Variants in KALRN observed in about 807,000 individuals in gnomAD.
KALRN encodes kalirin.
A neutral mutation model predicts 353.7 loss-of-function variants in KALRN; 70 were observed. The ratio of observed to expected loss-of-function variants is 0.20; its 90% confidence interval spans 0.16 to 0.24. The LOEUF (loss-of-function observed/expected upper bound fraction) is 0.24, where lower values mean the gene tolerates loss of function less well. Among genes scored for constraint, KALRN ranks in the 10% least tolerant of loss-of-function variants. KALRN has a pLI of 1.00. For missense variants in KALRN, 2,791 were observed against 3,756.7 expected, an observed-to-expected ratio of 0.74 and a Z score of 6.72; for synonymous variants, 1,391 against 1,434.8, an observed-to-expected ratio of 0.97 and a Z score of 0.69.
chr3:124,161,333 T>G (rs2069915516), intron 1 of KALRN, among the ~76,000 whole-genome samples: 1 of 152,192 alleles, frequency 6.6e-6, no homozygotes, highest in African/African-American at 2.4e-5. Flanking sequence ...CTCAACACAA[T>G]ATATTATTGT....
chr3:124,375,703 G>C (rs536705369), intron 10 of KALRN, among the ~76,000 whole-genome samples: 1 of 152,112 alleles, frequency 6.6e-6, no homozygotes, highest in Non-Finnish European at 1.5e-5. Flanking sequence ...TTTTATTGTT[G>C]TTGTTATTGC....
intron 1 of KALRN, among the ~76,000 whole-genome samples, chr3:124,165,582 C>A (rs2070707658): frequency 6.6e-6 from 1 of 152,216 alleles, no homozygotes; most frequent in Non-Finnish European, 1.5e-5. Flanking sequence ...TCCTTCTTTG[C>A]GTCTTCTGTT....
At chr3:124,518,678 C>A in intron 33 of KALRN, 2 of 1,429,222 alleles carry the variant, frequency 1.4e-6, no homozygotes, top group Non-Finnish European at 1.8e-6. Context: ...CTACTGGGTG[C>A]AATTCGAGGT....
intron 1 of KALRN, among the ~76,000 whole-genome samples, chr3:124,086,310 TGTG>T (rs1380834925): frequency 9.2e-4 from 2 of 2,182 alleles, no homozygotes; most frequent in Non-Finnish European, 3.1e-3. Flanking sequence ...GTTGTTTTGT[TGTG>T]TGTGTGTGTG....
intron 10 of KALRN, among the ~76,000 whole-genome samples, chr3:124,374,895 G>A (rs2086368734): frequency 6.6e-6 from 1 of 152,182 alleles, no homozygotes; most frequent in South Asian, 2.1e-4. Context: ...GTTCCATGGG[G>A]ATGCTGTCTC....
At chr3:124,550,759 G>C (rs917007126) in intron 33 of KALRN, among the ~76,000 whole-genome samples, 1 of 152,150 alleles carries the variant, frequency 6.6e-6, no homozygotes, top group Admixed American at 6.6e-5. Context: ...GGAGGCCGAG[G>C]TGGGCAGATC....
intron 49 of KALRN, among the ~76,000 whole-genome samples, chr3:124,676,200 G>T (rs914874603): frequency 6.6e-6 from 1 of 152,110 alleles, no homozygotes; most frequent in Non-Finnish European, 1.5e-5. Context: ...TCCATGGGAG[G>T]GAAGGTAAAA....
At chr3:124,451,244 TAGAA>T (rs879759172) in intron 21 of KALRN, among the ~76,000 whole-genome samples, 8 of 145,314 alleles carry the variant, frequency 5.5e-5, no homozygotes, top group South Asian at 2.2e-4. Context: ...TAACCAAAGA[TAGAA>T]AGAAAGGGAA....
intron 33 of KALRN, among the ~76,000 whole-genome samples, chr3:124,533,383 T>C (rs1168307082): frequency 6.6e-6 from 1 of 152,228 alleles, no homozygotes; most frequent in African/African-American, 2.4e-5. Context: ...GGCTCATGTC[T>C]ATAGTCCTAG....
rs542347272 is a variant in KALRN at position 124,586,609 on chromosome 3, G to A, written c.5182+23520G>A. Among the ~76,000 whole-genome samples, 21 of 152,340 alleles carry A rather than the reference G, an allele frequency of 1.4e-4. No homozygotes were observed. In the East Asian group the frequency reaches 3.9e-3, roughly 28 times the overall value. On this transcript the variant is annotated intron_variant, in intron 34 of 59. Coordinates refer to ENST00000682506, the MANE Select transcript of KALRN (RefSeq NM_001388419.1). ...GAAGGCAGTGGCTGCTGGCTCCGTG[G>A]CTAGGAGAGGAGGCGTGCGAGTGGC...
chr3:124,074,217 G>A (rs2060156644), intron 1 of KALRN, among the ~76,000 whole-genome samples: 1 of 152,046 alleles, frequency 6.6e-6, no homozygotes, highest in African/African-American at 2.4e-5. Context: ...AGAAGGAATG[G>A]GTAAATCCAA....
At chr3:124,089,490 C>T (rs1424902508) in intron 1 of KALRN, among the ~76,000 whole-genome samples, 2 of 152,106 alleles carry the variant, frequency 1.3e-5, no homozygotes, top group South Asian at 4.2e-4. Flanking sequence ...AACACCATCT[C>T]CTTTGATAGG....
At chr3:124,235,365 TG>T (rs1160664191) in intron 3 of KALRN, among the ~76,000 whole-genome samples, 1 of 152,026 alleles carries the variant, frequency 6.6e-6, no homozygotes, top group African/African-American at 2.4e-5. Flanking sequence ...AAATTTTCAC[TG>T]GGTAGGGTGA....
intron 33 of KALRN, among the ~76,000 whole-genome samples, chr3:124,513,993 G>A (rs2066252178): frequency 6.6e-6 from 1 of 152,190 alleles, no homozygotes; most frequent in African/African-American, 2.4e-5. Flanking sequence ...GGCAGAGTAG[G>A]ATGCATGATA....
At chr3:124,117,022 C>G (rs1372814846) in intron 1 of KALRN, among the ~76,000 whole-genome samples, 4 of 152,210 alleles carry the variant, frequency 2.6e-5, no homozygotes, top group African/African-American at 7.2e-5. Context: ...AGCAGAGTTA[C>G]TCTATCCTAT....
rs866048644 is a variant in KALRN at position 124,496,008 on chromosome 3, T to C, written c.4833-303T>C. 1.7e-4 allele frequency among the ~76,000 whole-genome samples: 10 copies of C among 60,578 alleles called. 1 individual carries two copies. Among genetic ancestry groups the C allele is most frequent in the Admixed American group, 7.9e-4 (4 of 5,066 alleles). 39.7% of individuals were successfully genotyped at this position (60,578 alleles called of 152,430 possible). ...ATATATATATATATATATATATATA[T>C]ATATACACACACATATATACATACA... is the stretch of plus-strand genomic sequence containing the variant. On this transcript the variant is annotated intron_variant, in intron 32 of 59. Transcript: ENST00000682506.
At chr3:124,405,227 A>G (rs1576638744) in intron 13 of KALRN, among the ~76,000 whole-genome samples, 1 of 152,210 alleles carries the variant, frequency 6.6e-6, no homozygotes, top group Non-Finnish European at 1.5e-5. Flanking sequence ...CAGCTTTAGT[A>G]TTCTGGCAGG....
intron 6 of KALRN, among the ~76,000 whole-genome samples, chr3:124,313,354 C>A (rs2078476601): frequency 6.6e-6 from 1 of 152,140 alleles, no homozygotes; most frequent in Admixed American, 6.5e-5. Flanking sequence ...CTTTAGGGAA[C>A]CTGTGATTGC....
At chr3:124,587,875 T>G (rs1358564238) in intron 34 of KALRN, among the ~76,000 whole-genome samples, 2 of 145,806 alleles carry the variant, frequency 1.4e-5, no homozygotes, top group African/African-American at 4.9e-5. Flanking sequence ...TTTTATTTTT[T>G]GTAGAGACAA....
Sources: gnomAD v4.1 joint callset for allele counts (sites outside exome capture counted in the v4.1 genomes callset) on GRCh38, gnomAD v4.1.1 for gene constraint, MANE v1.5 for transcripts, NCBI Gene and HGNC (gene_info 2026-07-23, HGNC 2026-07-21) for gene names.